Variants in POLE observed in about 807,000 individuals in gnomAD.
The protein encoded by POLE is DNA polymerase epsilon catalytic subunit A.
A neutral mutation model predicts 279.2 loss-of-function variants in POLE; 188 were observed. The ratio of observed to expected loss-of-function variants is 0.67; its 90% CI spans 0.60 to 0.76. The LOEUF (loss-of-function observed/expected upper bound fraction) is 0.76, where lower values mean the gene tolerates loss of function less well. POLE is among the 30% of genes least tolerant of loss of function. The probability of loss-of-function intolerance (pLI) is 0.00; values close to 1 mark genes in which losing one functional copy is unlikely to be tolerated. For synonymous variants in POLE, 1,214 were observed against 1,172.5 expected, an observed-to-expected ratio of 1.04 and a Z score of -0.72; for missense variants, 2,703 against 3,016.7, an observed-to-expected ratio of 0.90 and a Z score of 2.44.
At chr12:132,641,018 C>T (rs945158026) in intron 39 of POLE, 3 of 456,590 alleles carry the variant, frequency 6.6e-6, no homozygotes, top group African/African-American at 2.0e-5. Flanking sequence ...GAGCACCTAC[C>T]CTTCCATTCA....
rs2138552905 is a variant in POLE at position 132,643,530 on chromosome 12, G to T, written c.4321C>A (p.Leu1441Met). Residue 1441 changes from leucine (L) to methionine (M), a missense_variant, in exon 34 of 49, where the codon CTG becomes ATG. By Grantham distance (15) the Leu-to-Met change is conservative. Transcript: ENST00000320574. ...TTATTGACCACACACACACAGCCCA[G>T]GTGCACCAGGGCCCGGAACAGTAAC... Reference protein sequence around the residue: ...VPLLFRALVHLGCVCVVNKQL... With the variant: ...VPLLFRALVHMGCVCVVNKQL... 6.2e-7 allele frequency: 1 copy of T among 1,614,178 alleles called. No homozygotes were observed. The highest frequency in any genetic ancestry group is 8.5e-7 in the Non-Finnish European group (1 of 1,180,042).
intron 47 of POLE, 48 bp downstream of exon 47, chr12:132,625,597 C>A (rs1377127270): frequency 6.2e-7 from 1 of 1,604,318 alleles, no homozygotes; most frequent in Admixed American, 1.7e-5. Context: ...GCACAGAAAC[C>A]CCCCTGTGGA....
Position 132,624,869 on chromosome 12 carries a change from G to C in POLE, c.6747+36C>G, listed in dbSNP as rs765301412. 2 of 1,534,128 alleles carry C rather than the reference G, an allele frequency of 1.3e-6. No individual in the cohort carries two copies. The highest frequency in any genetic ancestry group is 1.8e-6 in the Non-Finnish European group (2 of 1,109,864). The stretch of plus-strand genomic sequence containing the variant: ...TCCACTCAGAGAGGAGGCCAAGGAG[G>C]CCAGGCTGAGCCGAGGCAGATGAGG... On this transcript the variant is annotated intron_variant, in intron 48 of 48. Coordinates refer to ENST00000320574, the MANE Select transcript of POLE (RefSeq NM_006231.4).
At position 132,649,493 on chromosome 12, in the gene POLE, C is replaced by T. The variant is rs377324348; in HGVS notation, c.3818G>A (p.Arg1273Gln). Residue 1273 changes from arginine to glutamine, a missense_variant, in exon 31 of 49, where the codon CGG (arginine) becomes CAG (glutamine). Arg to Gln is a conservative substitution (Grantham distance 43). Around this residue, in one of 5 missense-constraint regions of POLE, gnomAD observed 1,551 missense variants for 1,686.1 expected, o/e 0.92. Coordinates refer to ENST00000320574, the MANE Select transcript of POLE (RefSeq NM_006231.4). ...CAGCTGCCACTTCTTCTTGTGGAACCGGAGCCAGACAAGCCATTCCTCCTG... is the reference window on the plus strand; with the variant it reads ...CAGCTGCCACTTCTTCTTGTGGAACTGGAGCCAGACAAGCCATTCCTCCTG... ...TSQEEWLVWL[R>Q]FHKKKWQLQA... 25 of 1,612,042 alleles carry T rather than the reference C, an allele frequency of 1.6e-5. No individual in the cohort carries two copies. Among genetic ancestry groups the T allele is most frequent in the East Asian group, 4.5e-5 (2 of 44,852 alleles).
In POLE at chr12:132,642,314, C is replaced by T. The variant is rs748940418; in HGVS notation, c.5036G>A (p.Arg1679His). The T allele has an allele frequency of 7.5e-6, 12 of 1,599,610 alleles. No individual in the cohort carries two copies. Among genetic ancestry groups the T allele is most frequent in the Admixed American group, 3.5e-5 (2 of 57,704 alleles). The change falls in exon 38 of 49, where the codon CGC becomes CAC. Residue 1679 changes from arginine to histidine, a missense_variant. Physicochemically the swap from Arg to His is conservative, Grantham distance 29. Transcript: ENST00000320574. ...GGACAGCCAGAGCAGGTGGTTGTGG[C>T]GCTGGAGGTGGCGGGCAAAGAAGAG... ...SDLFFARHLQ[R>H]HNHLLWLSPT...
chr12:132,677,561 A>C lies in POLE; in HGVS notation c.720+17T>G. 1 of 1,614,032 alleles carries C rather than the reference A, an allele frequency of 6.2e-7. No individual in the cohort carries two copies. The highest frequency in any genetic ancestry group is 2.2e-5 in the East Asian group (1 of 44,892). ...AGGAAATTCATGTGAGCAGCGACCC[A>C]ACCCTGCCCCACTCACCACGTGGAT... is the stretch of plus-strand genomic sequence containing the variant. On this transcript the variant is annotated intron_variant, in intron 7 of 48. Transcript: ENST00000320574.
chr12:132,659,268 C>T (rs896674378), intron 26 of POLE, 27 bp downstream of exon 26: 15 of 1,606,458 alleles, frequency 9.3e-6, no homozygotes, highest in Non-Finnish European at 1.2e-5. Flanking sequence ...GGAGCCCTCA[C>T]CTCTCCGTGA....
Position 132,661,577 on chromosome 12 carries a change from AAGGT to A in POLE, c.2810_2813del (p.Tyr937LeufsTer3). 6.2e-7 allele frequency: 1 copy of A among 1,614,196 alleles called. No individual in the cohort carries two copies. The highest frequency in any genetic ancestry group is 8.5e-7 in the Non-Finnish European group (1 of 1,180,042). On this transcript the variant is annotated frameshift_variant, in exon 24 of 49. Transcript: ENST00000320574. LOFTEE classifies it high-confidence loss of function. This position sits in a 1 kb window ranked among gnomAD's most constrained non-coding sequence, Gnocchi z 4.1. ...CCTTGGAGGCTGGAAGAATCATGGC[AAGGT>A]AGGGCCCATCAACCTCAAAAAAGAT...
intron 29 of POLE, among the ~76,000 whole-genome samples, chr12:132,656,291 G>C (rs962936895): frequency 9.2e-5 from 14 of 152,050 alleles, no homozygotes; most frequent in Admixed American, 2.6e-4. Context: ...GGGGGGCAGG[G>C]GAAAGAATAC....
chr12:132,664,360 C>T lies in POLE; in HGVS notation c.2561+10G>A, dbSNP rs1593782867. On this transcript the variant is annotated intron_variant, in intron 22 of 48. Coordinates refer to ENST00000320574, the MANE Select transcript of POLE (RefSeq NM_006231.4). This position sits in a 1 kb window ranked among gnomAD's most constrained non-coding sequence, Gnocchi z 5.3. ...TGCTCCCAGCCCCACGGCTCCCCTT[C>T]TGCACTCACCCAATCTGCTCGATCA... 3.7e-6 allele frequency: 6 copies of T among 1,612,558 alleles called. 1 individual carries two copies. The East Asian group carries it at 1.1e-4, about 30-fold the overall frequency.
rs977719457 is a variant in POLE at position 132,665,282 on chromosome 12, C to T, written c.2468+20G>A. ...CATCCATTCCTCCCATAAGCCTCTC[C>T]CGGGCCCGGGCCCACCTACCCCTTG... On this transcript the variant is annotated intron_variant, in intron 21 of 48. Coordinates refer to ENST00000320574, the MANE Select transcript of POLE (RefSeq NM_006231.4). The T allele has an allele frequency of 6.2e-7, 1 of 1,609,318 alleles. No homozygotes were observed. Among genetic ancestry groups the T allele is most frequent in the Admixed American group, 1.7e-5 (1 of 59,906 alleles).
intron 15 of POLE, 146 bp downstream of exon 15, chr12:132,672,481 G>T: frequency 2.9e-6 from 3 of 1,041,970 alleles, no homozygotes; most frequent in South Asian, 1.4e-5. Context: ...AGAAGCCCCC[G>T]GGGGGTGCTG....
intron 32 of POLE, among the ~76,000 whole-genome samples, chr12:132,644,547 G>A (rs1593737855): frequency 6.6e-6 from 1 of 152,292 alleles, no homozygotes; most frequent in African/African-American, 2.4e-5. Context: ...GAGGTTCCCA[G>A]TTCATCTTCC....
Position 132,665,431 on chromosome 12 carries a change from G to T in POLE, c.2339C>A (p.Ser780Ter). The T allele has an allele frequency of 6.2e-7, 1 of 1,611,352 alleles. No individual in the cohort carries two copies. The highest frequency in any genetic ancestry group is 1.3e-5 in the African/African-American group (1 of 74,998). The change falls in exon 21 of 49, where the codon TCG becomes TAG. Residue 780 changes from serine (S) to a stop codon, truncating the protein, a stop_gained. Coordinates refer to ENST00000320574, the MANE Select transcript of POLE (RefSeq NM_006231.4). LOFTEE classifies it high-confidence loss of function. ...GLHKVWKKKL[S>*]AAVEVGDAAE... is the part of the protein sequence containing the mutation. Reference sequence around the variant, plus strand: ...CGCGTCGCCCACCTCCACGGCCGCCGAGAGCTTCTTTTTCCACACCTGAGA... The same window carrying T: ...CGCGTCGCCCACCTCCACGGCCGCCTAGAGCTTCTTTTTCCACACCTGAGA...
chr12:132,645,991 C>T (rs2042275294), intron 32 of POLE, among the ~76,000 whole-genome samples: 1 of 152,162 alleles, frequency 6.6e-6, no homozygotes, highest in Non-Finnish European at 1.5e-5. Flanking sequence ...GAGGCTCAGG[C>T]TCTTTAGAGG....
rs933834053 is a variant in POLE at position 132,639,065 on chromosome 12, G to A, written c.5552+60C>T. 4.0e-5 allele frequency: 58 copies of A among 1,456,264 alleles called. No individual in the cohort carries two copies. The highest frequency in any genetic ancestry group is 6.7e-6 in the Non-Finnish European group (7 of 1,041,032). 90.2% of individuals were successfully genotyped at this position (1,456,264 alleles called of 1,614,324 possible). Reference sequence around the variant, plus strand: ...GGCTGGCCATGTCTCTGGTTCTGGGGAGTAAGGGACCAGCCCAGCTGAGGA... The same window carrying A: ...GGCTGGCCATGTCTCTGGTTCTGGGAAGTAAGGGACCAGCCCAGCTGAGGA... On this transcript the variant is annotated intron_variant, in intron 40 of 48. Coordinates refer to ENST00000320574, the MANE Select transcript of POLE (RefSeq NM_006231.4). The surrounding 1 kb of genome is among the most constrained non-coding windows in gnomAD (Gnocchi z 4.7).
At chr12:132,652,292 G>C (rs2042439199) in intron 29 of POLE, among the ~76,000 whole-genome samples, 1 of 120,780 alleles carries the variant, frequency 8.3e-6, no homozygotes, top group Non-Finnish European at 1.8e-5. Context: ...CTCCTGAGTT[G>C]TTTACCAAAG....
rs1060500786 is a variant in POLE at position 132,680,674 on chromosome 12, T to C, written c.218A>G (p.Asp73Gly). 1.2e-5 allele frequency: 19 copies of C among 1,613,356 alleles called. No homozygotes were observed. Among genetic ancestry groups the C allele is most frequent in the Non-Finnish European group, 1.6e-5 (19 of 1,179,418 alleles). Residue 73 changes from aspartate to glycine, a missense_variant, in exon 3 of 49, where the codon GAT becomes GGT. Physicochemically the swap from Asp to Gly is moderately conservative, Grantham distance 94 (BLOSUM62 -1). Transcript: ENST00000320574. ...LINMHPTEIL[D>G]EDKRLGSAVD... ...TGCACTGCCTAAGCGCTTATCTTCA[T>C]CTAAAATCTCGGTCTACAAGAGAAT...
intron 29 of POLE, among the ~76,000 whole-genome samples, chr12:132,652,984 G>C (rs1410307114): frequency 6.6e-6 from 1 of 152,180 alleles, no homozygotes; most frequent in Admixed American, 6.5e-5. Context: ...TGAATTTTAT[G>C]AATTAATATG....
Sources: gnomAD v4.1 joint callset for allele counts (sites outside exome capture counted in the v4.1 genomes callset) on GRCh38, gnomAD v4.1.1 for gene constraint, gnomAD v4.1.1 regional missense constraint, Gnocchi (gnomAD v3.1) non-coding constraint, MANE v1.5 for transcripts, NCBI Gene and HGNC (gene_info 2026-07-23, HGNC 2026-07-21) for gene names.